Variants in MRPL50 observed in about 807,000 individuals in gnomAD.
The protein encoded by MRPL50 is large ribosomal subunit protein mL50.
MRPL50 carries 10 observed loss-of-function variants against 16.2 expected under a neutral mutation model. The observed-to-expected ratio is 0.62, with a 90% CI of 0.38 to 1.05. The LOEUF is 1.05. Ranked by LOEUF, MRPL50 falls within the 50% of genes least tolerant of loss-of-function variation. MRPL50 has a pLI of 0.01. For missense variants in MRPL50, 213 were observed against 187.1 expected (o/e 1.14, Z -0.81); for synonymous variants, 68 against 66.8 (o/e 1.02, Z -0.09).
chr9:101,396,355 T>G (rs959068387), intron 1 of MRPL50, among the ~76,000 whole-genome samples: 2 of 152,206 alleles, frequency 1.3e-5, no homozygotes, highest in African/African-American at 4.8e-5. Context: ...ATCTGCACTC[T>G]CATCTTCATT....
At chr9:101,390,978 A>G in intron 1 of MRPL50, 128 bp from the exon 2 acceptor site, 2 of 1,007,066 alleles carry the variant, frequency 2.0e-6, no homozygotes, top group South Asian at 3.3e-5. Context: ...AGAGTAGGAA[A>G]GAATATGGTA....
intron 1 of MRPL50, among the ~76,000 whole-genome samples, chr9:101,395,972 A>C (rs1047521278): frequency 2.6e-5 from 4 of 152,178 alleles, no homozygotes; most frequent in African/African-American, 9.7e-5. Flanking sequence ...CAAAGAGATA[A>C]ATAACGTGAT....
chr9:101,394,192 T>C (rs1326469502), intron 1 of MRPL50, among the ~76,000 whole-genome samples: 1 of 152,162 alleles, frequency 6.6e-6, no homozygotes, highest in Admixed American at 6.5e-5. Context: ...TTTGCTTTTG[T>C]AGGACTAACA....
chr9:101,391,817 C>T (rs879390931), intron 1 of MRPL50, among the ~76,000 whole-genome samples: 40 of 151,982 alleles, frequency 2.6e-4, no homozygotes, highest in African/African-American at 9.2e-4. Context: ...TTACATTCTA[C>T]ACCAAATGGA....
intron 1 of MRPL50, among the ~76,000 whole-genome samples, chr9:101,394,984 G>A (rs1830321875): frequency 6.6e-6 from 1 of 152,086 alleles, no homozygotes; most frequent in African/African-American, 2.4e-5. Flanking sequence ...AATAAACAAA[G>A]TGAACAGGCA....
In MRPL50 at chr9:101,389,912, A is replaced by C. The variant is rs911303107; in HGVS notation, c.*554T>G. The C allele has an allele frequency of 1.9e-5, 14 of 732,846 alleles. No homozygotes were observed. The highest frequency in any genetic ancestry group is 2.2e-5 in the Non-Finnish European group (13 of 599,552). 45.4% of individuals were successfully genotyped at this position (732,846 alleles called of 1,614,324 possible). On this transcript the variant is annotated 3_prime_UTR_variant, in exon 2 of 2. Coordinates refer to ENST00000374865, the MANE Select transcript of MRPL50 (RefSeq NM_019051.3). ...TTCAAAATTATACTTACTGGAAAGAAATGGCAAGGCAGAGCGCAAGCAAAT... is the reference window on the plus strand; with the variant it reads ...TTCAAAATTATACTTACTGGAAAGACATGGCAAGGCAGAGCGCAAGCAAAT...
Position 101,390,713 on chromosome 9 carries a change from A to C in MRPL50, c.230T>G (p.Val77Gly). 1.2e-6 allele frequency: 2 copies of C among 1,613,372 alleles called. No individual in the cohort carries two copies. The highest frequency in any genetic ancestry group is 1.1e-5 in the South Asian group (1 of 91,052). Reference protein sequence around the residue: ...QSRLESYVKEVFGSSLPSNWQ... With the variant: ...QSRLESYVKEGFGSSLPSNWQ... ...ATTACTAGGAAGAGATGAACCAAAA[A>C]CTTCTTTAACGTAAGATTCCAAACG... Residue 77 changes from valine (V) to glycine (G), a missense_variant, in exon 2 of 2, where the codon GTT becomes GGT. Physicochemically the swap from Val to Gly is moderately radical, Grantham distance 109. Transcript: ENST00000374865.
intron 1 of MRPL50, among the ~76,000 whole-genome samples, chr9:101,392,405 T>TA (rs149830549): frequency 0.012 from 1,861 of 151,176 alleles, 40 homozygotes; most frequent in African/African-American, 0.042. Context: ...TTAGCTAGAC[T>TA]AAAAAAAACA....
In MRPL50 at chr9:101,390,307, A is replaced by G; in HGVS notation, c.*159T>C. ...AAAGTCCGTTATTTGTCCATTTGTAATATGAGAAAAAAAAAGATGATACAT... is the reference window on the plus strand; with the variant it reads ...AAAGTCCGTTATTTGTCCATTTGTAGTATGAGAAAAAAAAAGATGATACAT... On this transcript the variant is annotated 3_prime_UTR_variant, in exon 2 of 2. Coordinates refer to ENST00000374865, the MANE Select transcript of MRPL50 (RefSeq NM_019051.3). 2 of 1,336,578 alleles carry G rather than the reference A, an allele frequency of 1.5e-6. No individual in the cohort carries two copies. Among genetic ancestry groups the G allele is most frequent in the Non-Finnish European group, 1.9e-6 (2 of 1,042,966 alleles). The allele number at this position is 1,336,578 out of a possible 1,614,324, so 82.8% of individuals were successfully genotyped here.
chr9:101,390,634 A>G lies in MRPL50; in HGVS notation c.309T>C (p.His103=), dbSNP rs142921663. ...DSRLKFNLLA[H]LADDLGHVVP... ...CTACATGACCCAAGTCATCAGCTAA[A>G]TGAGCCAGAAGATTGAACTTTAGAC... Residue 103 remains histidine (H), a synonymous_variant, in exon 2 of 2, where the codon CAT becomes CAC. Transcript: ENST00000374865. The G allele has an allele frequency of 1.9e-6, 3 of 1,612,818 alleles. No individual in the cohort carries two copies. The African/African-American group carries it at 4.0e-5, about 22-fold the overall frequency.
chr9:101,396,751 G>A (rs1830346056), intron 1 of MRPL50, among the ~76,000 whole-genome samples: 1 of 151,994 alleles, frequency 6.6e-6, no homozygotes, highest in African/African-American at 2.4e-5. Flanking sequence ...AGACCATTCT[G>A]GCCAACATGG....
At chr9:101,396,649 A>C (rs1462835594) in intron 1 of MRPL50, among the ~76,000 whole-genome samples, 1 of 152,198 alleles carries the variant, frequency 6.6e-6, no homozygotes, top group Non-Finnish European at 1.5e-5. Context: ...GTAGTATCTA[A>C]AAAGTCAAAT....
chr9:101,390,319 A>C lies in MRPL50; in HGVS notation c.*147T>G. 7.4e-7 allele frequency: 1 copy of C among 1,349,970 alleles called. No individual in the cohort carries two copies. The highest frequency in any genetic ancestry group is 2.7e-5 in the East Asian group (1 of 36,886). The allele number at this position is 1,349,970 out of a possible 1,614,324, so 83.6% of individuals were successfully genotyped here. A position where few individuals can be genotyped will look rare whatever the true frequency, so the allele number is the denominator to read the frequency against. On this transcript the variant is annotated 3_prime_UTR_variant, in exon 2 of 2. Transcript: ENST00000374865. ...TTGTCCATTTGTAATATGAGAAAAA[A>C]AAAGATGATACATTCCTCTACAGAA...
rs780230252 is a variant in MRPL50 at position 101,390,636 on chromosome 9, G to A, written c.307C>T (p.His103Tyr). The A allele has an allele frequency of 1.6e-5, 26 of 1,613,188 alleles. No homozygotes were observed. The East Asian group carries it at 5.6e-4, about 35-fold the overall frequency. The part of the protein sequence containing the change: ...DSRLKFNLLA[H>Y]LADDLGHVVP... ...ACATGACCCAAGTCATCAGCTAAAT[G>A]AGCCAGAAGATTGAACTTTAGACGA... Residue 103 changes from histidine (H) to tyrosine (Y), a missense_variant, in exon 2 of 2, where the codon CAT becomes TAT. Physicochemically the swap from His to Tyr is moderately conservative, Grantham distance 83. Transcript: ENST00000374865.
intron 1 of MRPL50, among the ~76,000 whole-genome samples, chr9:101,393,816 C>T (rs918508704): frequency 3.3e-5 from 5 of 151,912 alleles, no homozygotes; most frequent in East Asian, 1.9e-4. Flanking sequence ...AGATATCCCA[C>T]GTTCATGGAT....
At chr9:101,391,172 T>G (rs1404791147) in intron 1 of MRPL50, among the ~76,000 whole-genome samples, 2 of 152,120 alleles carry the variant, frequency 1.3e-5, no homozygotes, top group African/African-American at 4.8e-5. Flanking sequence ...TACCTTTCAC[T>G]GATTACCTAC....
Position 101,389,333 on chromosome 9 carries a change from T to G in MRPL50, c.*1133A>C. Reference sequence around the variant, plus strand: ...AAGGAATCAACTCTAATGTCTAAGCTCCAGAGCTCCAGGCACTCTGACACC... The same window carrying G: ...AAGGAATCAACTCTAATGTCTAAGCGCCAGAGCTCCAGGCACTCTGACACC... On this transcript the variant is annotated 3_prime_UTR_variant, in exon 2 of 2. Transcript: ENST00000374865. The G allele has an allele frequency of 1.7e-6, 1 of 580,436 alleles. No individual in the cohort carries two copies. Among genetic ancestry groups the G allele is most frequent in the Non-Finnish European group, 2.6e-6 (1 of 384,766 alleles). 36.0% of individuals were successfully genotyped at this position (580,436 alleles called of 1,614,324 possible).
chr9:101,388,170 T>C lies in MRPL50; in HGVS notation c.*2296A>G, dbSNP rs1830224838. The C allele has an allele frequency of 6.6e-6, 1 of 152,104 alleles. No homozygotes were observed. The highest frequency in any genetic ancestry group is 1.5e-5 in the Non-Finnish European group (1 of 67,998). 9.4% of individuals were successfully genotyped at this position (152,104 alleles called of 1,614,324 possible). A position where few individuals can be genotyped will look rare whatever the true frequency, so the allele number is the denominator to read the frequency against. ...ACTCCAGACTTACCAAATCAGAATT[T>C]GCATTTTTAAAAGATCCCCACATGA... On this transcript the variant is annotated 3_prime_UTR_variant, in exon 2 of 2. Transcript: ENST00000374865.
chr9:101,398,587 C>A lies in MRPL50; in HGVS notation c.6G>T (p.Ala2=). 1 of 1,613,616 alleles carries A rather than the reference C, an allele frequency of 6.2e-7. No homozygotes were observed. The highest frequency in any genetic ancestry group is 8.5e-7 in the Non-Finnish European group (1 of 1,180,022). M[A]ARSVSGITRR... The stretch of plus-strand genomic sequence containing the variant: ...TGGTAATGCCCGACACAGATCGCGC[C>A]GCCATCTTCGATGAGATCCACGGGC... The change falls in exon 1 of 2, where the codon GCG becomes GCT. Residue 2 remains alanine (A), a synonymous_variant. Coordinates refer to ENST00000374865, the MANE Select transcript of MRPL50 (RefSeq NM_019051.3).
Sources: gnomAD v4.1 joint callset for allele counts (sites outside exome capture counted in the v4.1 genomes callset) on GRCh38, gnomAD v4.1.1 for gene constraint, MANE v1.5 for transcripts, NCBI Gene and HGNC (gene_info 2026-07-23, HGNC 2026-07-21) for gene names.